Variants in SMG7 observed in about 807,000 individuals in gnomAD.
The protein encoded by SMG7 is SMG7 nonsense mediated mRNA decay factor, also known as nonsense-mediated mRNA decay factor SMG7.
In SMG7, 34 loss-of-function variants were observed where a neutral mutation model predicts 148.2. The observed-to-expected ratio is 0.23, with a 90% CI of 0.17 to 0.31. The LOEUF (loss-of-function observed/expected upper bound fraction) is 0.31. SMG7 is among the 10% of genes least tolerant of loss of function. The pLI, the probability that SMG7 is intolerant of heterozygous loss-of-function variation, is 1.00. For missense variants in SMG7, 1,114 were observed against 1,408.4 expected, an observed-to-expected ratio of 0.79 and a Z score of 3.35; for synonymous variants, 492 against 515.1, an observed-to-expected ratio of 0.96 and a Z score of 0.61.
intron 4 of SMG7, among the ~76,000 whole-genome samples, chr1:183,522,881 C>T (rs1231719091): frequency 6.6e-6 from 1 of 151,734 alleles, no homozygotes. Flanking sequence ...CTCAAGTGAT[C>T]CTTCCCCACC....
chr1:183,544,937 G>A lies in SMG7; in HGVS notation c.1995G>A (p.Pro665=), dbSNP rs561881733. 1.9e-5 allele frequency: 31 copies of A among 1,609,322 alleles called. No individual in the cohort carries two copies. The highest frequency in any genetic ancestry group is 1.2e-4 in the South Asian group (11 of 90,824). Residue 665 remains proline (P), a synonymous_variant, in exon 16 of 23, where the codon CCG becomes CCA. Coordinates refer to ENST00000688051, the MANE Select transcript of SMG7 (RefSeq NM_001375584.1). The part of the protein sequence containing the change: ...FPPLPSRPGF[P]PPTYVIPPPV... ...TGTTCTTCTGTTTTGAAGGGTTTCC[G>A]CCCCCAACATATGTTATCCCCCCGC...
At chr1:183,521,871 A>AAG (rs1223482178) in intron 4 of SMG7, among the ~76,000 whole-genome samples, 2 of 151,788 alleles carry the variant, frequency 1.3e-5, no homozygotes, top group Non-Finnish European at 2.9e-5. Context: ...AAAAAAAAAA[A>AAG]AAAGAAGGAG....
chr1:183,484,203 A>G (rs116677131), intron 1 of SMG7, among the ~76,000 whole-genome samples: 2,428 of 152,232 alleles, frequency 0.016, 37 homozygotes, highest in Non-Finnish European at 0.024. Flanking sequence ...GTGCTCCTTT[A>G]TATAAAATGG....
In SMG7 at chr1:183,542,290, G is replaced by T. The variant is rs1340650712; in HGVS notation, c.1630G>T (p.Val544Leu). ...CAACTGTGACACAGGAGAGAAGCCA[G>T]TGGTTACCTTCAAAGAAAACATTAA... ...SNNCDTGEKPVVTFKENIKTR... is the reference protein window; with the variant it reads ...SNNCDTGEKPLVTFKENIKTR... Residue 544 changes from valine to leucine, a missense_variant, in exon 14 of 23, where the codon GTG becomes TTG. Transcript: ENST00000688051. 6.2e-7 allele frequency: 1 copy of T among 1,614,132 alleles called. No homozygotes were observed. Among genetic ancestry groups the T allele is most frequent in the South Asian group, 1.1e-5 (1 of 91,084 alleles).
chr1:183,480,904 C>T (rs955686519), intron 1 of SMG7, among the ~76,000 whole-genome samples: 6 of 152,160 alleles, frequency 3.9e-5, no homozygotes, highest in African/African-American at 1.4e-4. Context: ...AACAACTTAA[C>T]ATTTCTGTGT....
intron 18 of SMG7, chr1:183,548,813 C>T: frequency 5.7e-6 from 1 of 175,108 alleles, no homozygotes; most frequent in South Asian, 1.5e-4. Flanking sequence ...TAAAAGTCAC[C>T]AATGTTAATG....
intron 8 of SMG7, among the ~76,000 whole-genome samples, chr1:183,532,859 A>G (rs187207961): frequency 6.6e-6 from 1 of 152,342 alleles, no homozygotes; most frequent in East Asian, 1.9e-4. Context: ...AAATTTATGG[A>G]TGAACACTCA....
In SMG7 at chr1:183,546,004, C is replaced by T. The variant is rs774617758; in HGVS notation, c.2409C>T (p.Pro803=). 20 of 1,612,060 alleles carry T rather than the reference C, an allele frequency of 1.2e-5. No homozygotes were observed. The East Asian group carries it at 4.5e-4, about 36-fold the overall frequency. Residue 803 remains proline, a synonymous_variant, in exon 17 of 23, where the codon CCC becomes CCT. Coordinates refer to ENST00000688051, the MANE Select transcript of SMG7 (RefSeq NM_001375584.1). The stretch of plus-strand genomic sequence containing the variant: ...ATGCCTCCAAACAGCTGTGGAATCC[C>T]CCTCAGGTTCAAGGCCCATTAGGGA... The part of the protein sequence containing the change: ...QADASKQLWN[P]PQVQGPLGKI...
chr1:183,489,076 C>T (rs1013105753), intron 1 of SMG7, among the ~76,000 whole-genome samples: 1 of 151,912 alleles, frequency 6.6e-6, no homozygotes, highest in Non-Finnish European at 1.5e-5. Context: ...GATGTTTTCA[C>T]CGACAGAATC....
chr1:183,540,129 T>C (rs1668548108), intron 12 of SMG7, among the ~76,000 whole-genome samples: 1 of 152,170 alleles, frequency 6.6e-6, no homozygotes, highest in Admixed American at 6.5e-5. Flanking sequence ...CACACCTTTG[T>C]TCATGTTGTG....
chr1:183,532,246 G>T (rs1322563140), intron 8 of SMG7, among the ~76,000 whole-genome samples: 1 of 152,166 alleles, frequency 6.6e-6, no homozygotes, highest in Admixed American at 6.6e-5. Flanking sequence ...AGGATTATCT[G>T]TTTTCCGCCA....
intron 3 of SMG7, among the ~76,000 whole-genome samples, chr1:183,517,159 A>G (rs1454735245): frequency 6.6e-6 from 1 of 152,200 alleles, no homozygotes. Context: ...CCAAATTTGA[A>G]ATGTGGCTTA....
intron 1 of SMG7, among the ~76,000 whole-genome samples, chr1:183,506,451 TTGA>T (rs752285736): frequency 6.6e-5 from 10 of 152,248 alleles, no homozygotes; most frequent in East Asian, 1.9e-4. Flanking sequence ...ATTGCGAGAC[TTGA>T]TGTGTGTGTG....
In SMG7 at chr1:183,552,053, G is replaced by A; in HGVS notation, c.*122G>A. 1 of 1,373,888 alleles carries A rather than the reference G, an allele frequency of 7.3e-7. No individual in the cohort carries two copies. The allele number at this position is 1,373,888 out of a possible 1,614,324, so 85.1% of individuals were successfully genotyped here. Reference sequence around the variant, plus strand: ...TTTTCTGTTTCTCGCTGTCAAGAGGGTGTAAGTATTCCACCAGCCCGCTGA... The same window carrying A: ...TTTTCTGTTTCTCGCTGTCAAGAGGATGTAAGTATTCCACCAGCCCGCTGA... On this transcript the variant is annotated 3_prime_UTR_variant, in exon 23 of 23. Coordinates refer to ENST00000688051, the MANE Select transcript of SMG7 (RefSeq NM_001375584.1).
At chr1:183,535,485 A>T (rs546195687) in intron 10 of SMG7, among the ~76,000 whole-genome samples, 32 of 152,290 alleles carry the variant, frequency 2.1e-4, no homozygotes, top group African/African-American at 7.5e-4. Context: ...CTAGCATGGG[A>T]TATCACTTTA....
In SMG7 at chr1:183,508,123, C is replaced by G. The variant is rs559845490; in HGVS notation, c.30-4714C>G. 12 of 973,076 alleles carry G rather than the reference C, an allele frequency of 1.2e-5. No individual in the cohort carries two copies. In the African/African-American group the frequency reaches 2.1e-4, roughly 17 times the overall value. The allele number at this position is 973,076 out of a possible 1,614,324, so 60.3% of individuals were successfully genotyped here. ...TCTTGCCTCTCTGTATGAGCATTGG[C>G]TGTAAACTTCAATGTTAATTCATTG... is the stretch of plus-strand genomic sequence containing the variant. On this transcript the variant is annotated intron_variant, in intron 1 of 22. Coordinates refer to ENST00000688051, the MANE Select transcript of SMG7 (RefSeq NM_001375584.1).
chr1:183,546,097 A>C lies in SMG7; in HGVS notation c.2502A>C (p.Ser834=), dbSNP rs1669880067. 1 of 1,614,042 alleles carries C rather than the reference A, an allele frequency of 6.2e-7. No individual in the cohort carries two copies. The highest frequency in any genetic ancestry group is 8.5e-7 in the Non-Finnish European group (1 of 1,179,976). The stretch of plus-strand genomic sequence containing the variant: ...ACCCCATAAAACTGTTTGAGCCGTC[A>C]TTGCAACCTCCTGTAATGCAGCAGC... ...TQDPIKLFEP[S]LQPPVMQQQP... Residue 834 remains serine, a synonymous_variant, in exon 17 of 23, where the codon TCA becomes TCC. Transcript: ENST00000688051.
intron 8 of SMG7, 88 bp downstream of exon 8, chr1:183,529,621 A>G: frequency 9.5e-7 from 1 of 1,049,968 alleles, no homozygotes; most frequent in Non-Finnish European, 1.4e-6. Flanking sequence ...TTTTGTAGTT[A>G]CTTAACTGTG....
At chr1:183,548,086 T>C (rs1670252010) in intron 18 of SMG7, among the ~76,000 whole-genome samples, 1 of 152,234 alleles carries the variant, frequency 6.6e-6, no homozygotes, top group Non-Finnish European at 1.5e-5. Flanking sequence ...AACACATTCG[T>C]AAAATTAAAG....
Sources: allele counts gnomAD v4.1 joint callset (sites outside exome capture counted in the v4.1 genomes callset), GRCh38; gene constraint gnomAD v4.1.1; transcripts MANE v1.5; gene names NCBI Gene and HGNC (gene_info 2026-07-23, HGNC 2026-07-21).